DLG2: variants seen among roughly 807,000 people sequenced by gnomAD.
The protein encoded by DLG2 is discs large MAGUK scaffold protein 2.
In DLG2, 45 loss-of-function variants were observed where a neutral mutation model predicts 132.5. The observed-to-expected ratio is 0.34, with a 90% confidence interval of 0.27 to 0.44. The LOEUF (loss-of-function observed/expected upper bound fraction) is 0.44. Among genes scored for constraint, DLG2 ranks in the 20% least tolerant of loss-of-function variants. DLG2 has a pLI of 1.00. For missense variants in DLG2, 1,045 were observed against 1,196.9 expected (o/e 0.87, Z 1.87); for synonymous variants, 424 against 419.6 (o/e 1.01, Z -0.13).
chr11:85,410,770 T>C (rs1282821023), intron 3 of DLG2, among the ~76,000 whole-genome samples: 1 of 151,890 alleles, frequency 6.6e-6, no homozygotes, highest in Non-Finnish European at 1.5e-5. Context: ...TAGTAAGTGA[T>C]GTGTTACAGG....
chr11:83,480,705 C>A (rs1218178681), intron 22 of DLG2: 2 of 1,291,298 alleles, frequency 1.5e-6, no homozygotes, highest in Non-Finnish European at 2.2e-6. Flanking sequence ...AATACTATGA[C>A]CCATTCATAT....
chr11:85,439,181 A>G (rs1010679404), intron 3 of DLG2, among the ~76,000 whole-genome samples: 3 of 152,104 alleles, frequency 2.0e-5, no homozygotes, highest in African/African-American at 7.2e-5. Context: ...TGGTAATTGC[A>G]TGTTTCGTTT....
chr11:84,749,412 G>A (rs928532462), intron 6 of DLG2, among the ~76,000 whole-genome samples: 8 of 152,130 alleles, frequency 5.3e-5, no homozygotes, highest in African/African-American at 1.9e-4. Flanking sequence ...CTGCATATAA[G>A]ATAGTGGTCT....
intron 6 of DLG2, among the ~76,000 whole-genome samples, chr11:85,066,766 A>G (rs1401607422): frequency 6.6e-6 from 1 of 151,738 alleles, no homozygotes; most frequent in Non-Finnish European, 1.5e-5. Flanking sequence ...AATCATCAAC[A>G]AACTTAGCAT....
intron 16 of DLG2, among the ~76,000 whole-genome samples, chr11:83,838,229 T>C (rs1236352801): frequency 1.3e-5 from 2 of 152,170 alleles, no homozygotes; most frequent in Admixed American, 1.3e-4. Context: ...GATAGATGGG[T>C]AGGTATGTGA....
intron 6 of DLG2, among the ~76,000 whole-genome samples, chr11:85,046,388 G>A (rs1010421956): frequency 2.6e-5 from 4 of 151,922 alleles, no homozygotes; most frequent in Admixed American, 2.0e-4. Context: ...GGAATTATGA[G>A]GATAGGCTAG....
intron 6 of DLG2, among the ~76,000 whole-genome samples, chr11:84,569,822 G>T (rs2099473501): frequency 6.6e-6 from 1 of 152,174 alleles, no homozygotes; most frequent in South Asian, 2.1e-4. Context: ...GGAGAAGACT[G>T]GGTCATTAAC....
chr11:83,482,767 T>G (rs1166684163), intron 22 of DLG2, among the ~76,000 whole-genome samples: 4 of 152,284 alleles, frequency 2.6e-5, no homozygotes, highest in Admixed American at 2.0e-4. Context: ...TCCTTTTGAC[T>G]ACGAAACAGC....
intron 7 of DLG2, among the ~76,000 whole-genome samples, chr11:84,533,410 C>T (rs1217253953): frequency 1.3e-5 from 2 of 152,148 alleles, no homozygotes; most frequent in Non-Finnish European, 2.9e-5. Flanking sequence ...CGGAGATTTG[C>T]ACAATGAATC....
At chr11:84,769,549 A>G (rs1312501693) in intron 6 of DLG2, among the ~76,000 whole-genome samples, 1 of 152,194 alleles carries the variant, frequency 6.6e-6, no homozygotes. Flanking sequence ...CGTGGAAAAC[A>G]TATTTCAGGA....
chr11:84,908,836 A>C (rs2091803414), intron 6 of DLG2, among the ~76,000 whole-genome samples: 1 of 149,592 alleles, frequency 6.7e-6, no homozygotes, highest in East Asian at 2.0e-4. Context: ...ATAAGCACTT[A>C]TATGCTTTCA....
At chr11:84,712,985 AG>A (rs1203379948) in intron 6 of DLG2, among the ~76,000 whole-genome samples, 1 of 152,150 alleles carries the variant, frequency 6.6e-6, no homozygotes, top group Non-Finnish European at 1.5e-5. Context: ...AACCTCATGC[AG>A]AAAATGATAG....
At chr11:83,769,259 C>T (rs1479343186) in intron 18 of DLG2, among the ~76,000 whole-genome samples, 1 of 152,176 alleles carries the variant, frequency 6.6e-6, no homozygotes, top group Non-Finnish European at 1.5e-5. Context: ...AGCTTCTCCA[C>T]ATGAACCTAC....
intron 6 of DLG2, among the ~76,000 whole-genome samples, chr11:84,645,521 G>C (rs951170263): frequency 1.3e-5 from 2 of 152,290 alleles, no homozygotes; most frequent in South Asian, 2.1e-4. Context: ...AGGCCAGAGT[G>C]CAGTCGCACG....
chr11:85,599,150 C>T (rs919912869), intron 2 of DLG2, among the ~76,000 whole-genome samples: 7 of 152,168 alleles, frequency 4.6e-5, no homozygotes, highest in Admixed American at 4.6e-4. Flanking sequence ...CTTGAGGCCT[C>T]CCTCCCATGA....
intron 6 of DLG2, among the ~76,000 whole-genome samples, chr11:84,668,880 A>G (rs2099702683): frequency 1.3e-5 from 2 of 152,176 alleles, no homozygotes; most frequent in Non-Finnish European, 2.9e-5. Context: ...AACCATTATC[A>G]TTTATCCAAA....
At chr11:83,914,555 G>T (rs1415835751) in intron 15 of DLG2, among the ~76,000 whole-genome samples, 2 of 152,070 alleles carry the variant, frequency 1.3e-5, no homozygotes, top group Non-Finnish European at 1.5e-5. Context: ...TGGGCCAAAT[G>T]CTTTTCATGT....
intron 3 of DLG2, among the ~76,000 whole-genome samples, chr11:85,512,510 C>G (rs972239358): frequency 6.6e-6 from 1 of 151,948 alleles, no homozygotes; most frequent in African/African-American, 2.4e-5. Context: ...TAATATAACC[C>G]TATTTATAGA....
chr11:84,138,916 C>T (rs1215943115), intron 9 of DLG2, among the ~76,000 whole-genome samples: 1 of 143,698 alleles, frequency 7.0e-6, no homozygotes, highest in Non-Finnish European at 1.5e-5. Flanking sequence ...GCCACTGCAT[C>T]CCAAACTGCA....
Sources: allele counts gnomAD v4.1 joint callset (sites outside exome capture counted in the v4.1 genomes callset), GRCh38; gene constraint gnomAD v4.1.1; transcripts MANE v1.5; gene names NCBI Gene and HGNC (gene_info 2026-07-23, HGNC 2026-07-21).